ESRRG: variants seen among roughly 807,000 people sequenced by gnomAD.
ESRRG encodes the protein estrogen-related receptor gamma.
Under a neutral mutation model 44.0 loss-of-function variants are expected in ESRRG, and 13 were observed. The ratio of observed to expected loss-of-function variants is 0.30; its 90% CI spans 0.19 to 0.47. The LOEUF (loss-of-function observed/expected upper bound fraction) is 0.47. Ranked by LOEUF, ESRRG falls within the 20% of genes least tolerant of loss-of-function variation. ESRRG has a pLI of 1.00. For synonymous variants in ESRRG, 215 were observed against 214.6 expected (o/e 1.00, Z -0.02); for missense variants, 395 against 580.6 (o/e 0.68, Z 3.29).
At chr1:216,952,141 T>A (rs747944986) in intron 1 of ESRRG, among the ~76,000 whole-genome samples, 9 of 152,130 alleles carry the variant, frequency 5.9e-5, no homozygotes, top group Non-Finnish European at 1.0e-4. Context: ...GGTCTTTGAG[T>A]GGCAAATTAT....
At chr1:216,538,964 T>C (rs984426146) in intron 5 of ESRRG, among the ~76,000 whole-genome samples, 3 of 152,116 alleles carry the variant, frequency 2.0e-5, no homozygotes, top group African/African-American at 4.8e-5. Flanking sequence ...AGGCATGTCA[T>C]GTCAATTAAC....
At chr1:216,978,945 G>C (rs1018202924) in intron 1 of ESRRG, among the ~76,000 whole-genome samples, 1 of 152,142 alleles carries the variant, frequency 6.6e-6, no homozygotes, top group Admixed American at 6.6e-5. Flanking sequence ...AAAAGCCACA[G>C]TGACCATGTG....
chr1:216,963,014 CA>C (rs2069444534), intron 1 of ESRRG, among the ~76,000 whole-genome samples: 1 of 152,124 alleles, frequency 6.6e-6, no homozygotes, highest in African/African-American at 2.4e-5. Flanking sequence ...TGACCCTGAA[CA>C]AGTTCTATAA....
chr1:216,574,175 T>A (rs1476440558), intron 3 of ESRRG, among the ~76,000 whole-genome samples: 1 of 152,170 alleles, frequency 6.6e-6, no homozygotes, highest in East Asian at 1.9e-4. Flanking sequence ...TAGACTGCCA[T>A]TATCTTTCTT....
At chr1:216,726,392 C>A (rs1305036672), upstream of ESRRG, among the ~76,000 whole-genome samples, 12 of 152,146 alleles carry the variant, frequency 7.9e-5, no homozygotes. Flanking sequence ...AAATACACAG[C>A]TCAGTCATCT....
chr1:216,984,963 A>G (rs1321755310), intron 1 of ESRRG, among the ~76,000 whole-genome samples: 1 of 152,228 alleles, frequency 6.6e-6, no homozygotes, highest in African/African-American at 2.4e-5. Context: ...ATAATTTCAT[A>G]CAAATCACCA....
chr1:216,663,080 A>AT (rs902755578), intron 2 of ESRRG, among the ~76,000 whole-genome samples: 10 of 152,326 alleles, frequency 6.6e-5, no homozygotes, highest in African/African-American at 2.4e-4. Flanking sequence ...TTGTAAATTG[A>AT]TAATAACTGA....
chr1:217,030,408 C>T (rs1341730602), intron 1 of ESRRG, among the ~76,000 whole-genome samples: 2 of 152,194 alleles, frequency 1.3e-5, no homozygotes, highest in Non-Finnish European at 2.9e-5. Flanking sequence ...ATTAATCCCA[C>T]TTTACCTTTT....
At chr1:216,853,185 C>T (rs1440461903) in intron 2 of ESRRG, among the ~76,000 whole-genome samples, 4 of 152,158 alleles carry the variant, frequency 2.6e-5, no homozygotes, top group African/African-American at 9.7e-5. Context: ...CTCTTTTGTA[C>T]ACTCTGTAGA....
At position 216,926,308 on chromosome 1, in the gene ESRRG, C is replaced by A. The variant is rs76261606; in HGVS notation, c.-14+13274G>T. 9.8e-3 allele frequency among the ~76,000 whole-genome samples: 1,492 copies of A among 152,060 alleles called. 26 individuals are homozygous for A. Among genetic ancestry groups the A allele is most frequent in the African/African-American group, 0.035 (1,436 of 41,462 alleles). On this transcript the variant is annotated intron_variant, in intron 2 of 7. Transcript: ENST00000359162. Reference sequence around the variant, plus strand: ...ACTGAGTAAAAAATTAAATCCAGAGCCAAAGAAACTGAGGAGACAGAGGAC... The same window carrying A: ...ACTGAGTAAAAAATTAAATCCAGAGACAAAGAAACTGAGGAGACAGAGGAC...
chr1:216,591,175 A>C (rs2057602744), intron 3 of ESRRG, among the ~76,000 whole-genome samples: 1 of 152,180 alleles, frequency 6.6e-6, no homozygotes. Flanking sequence ...ACTTTCAGCC[A>C]CACTCCCATC....
chr1:217,111,545 G>A (rs11581376), intron 1 of ESRRG, among the ~76,000 whole-genome samples: 48,002 of 152,042 alleles, frequency 0.32, 7,709 homozygotes, highest in African/African-American at 0.36. Flanking sequence ...AAAGAAGAAA[G>A]TCATCTTCAC....
intron 1 of ESRRG, among the ~76,000 whole-genome samples, chr1:217,066,706 G>T (rs2089767372): frequency 6.6e-6 from 1 of 152,298 alleles, no homozygotes; most frequent in South Asian, 2.1e-4. Flanking sequence ...TTGCTGTGTG[G>T]GGGGATGCCC....
intron 1 of ESRRG, among the ~76,000 whole-genome samples, chr1:216,681,697 C>A (rs1311296616): frequency 1.3e-5 from 2 of 152,022 alleles, no homozygotes; most frequent in Non-Finnish European, 2.9e-5. Flanking sequence ...AATAAAATGT[C>A]TTAGTTGTTT....
intron 2 of ESRRG, among the ~76,000 whole-genome samples, chr1:216,826,231 G>A (rs1002932176): frequency 6.7e-6 from 1 of 150,374 alleles, no homozygotes; most frequent in African/African-American, 2.4e-5. Flanking sequence ...AGGGACATAC[G>A]GACGGCATGC....
intron 3 of ESRRG, among the ~76,000 whole-genome samples, chr1:216,568,507 A>G (rs935142257): frequency 3.9e-5 from 6 of 152,128 alleles, no homozygotes; most frequent in African/African-American, 1.4e-4. Flanking sequence ...GAGCTATCCA[A>G]CTTCCCTCCA....
chr1:217,043,288 G>C (rs1485049463), intron 1 of ESRRG, among the ~76,000 whole-genome samples: 1 of 152,114 alleles, frequency 6.6e-6, no homozygotes, highest in Non-Finnish European at 1.5e-5. Flanking sequence ...GGGCCTCAAA[G>C]ATGCTTTCCA....
At chr1:216,709,358 T>TATAC (rs1331763517) in intron 1 of ESRRG, among the ~76,000 whole-genome samples, 2 of 150,452 alleles carry the variant, frequency 1.3e-5, no homozygotes, top group Non-Finnish European at 3.0e-5. Flanking sequence ...TATATATATA[T>TATAC]ATATTCAATT....
At chr1:216,714,220 T>C (rs925244327) in intron 1 of ESRRG, among the ~76,000 whole-genome samples, 8 of 152,140 alleles carry the variant, frequency 5.3e-5, no homozygotes, top group Non-Finnish European at 1.2e-4. Context: ...ATATAAAAAG[T>C]TGAAGGCAAT....
Sources: gnomAD v4.1 joint callset for allele counts (sites outside exome capture counted in the v4.1 genomes callset) on GRCh38, gnomAD v4.1.1 for gene constraint, MANE v1.5 for transcripts, NCBI Gene and HGNC (gene_info 2026-07-23, HGNC 2026-07-21) for gene names.